The following NPSR1 variants were observed in gnomAD, a reference collection of about 807,000 sequenced individuals.
NPSR1 encodes the protein neuropeptide S receptor 1, also known as neuropeptide S receptor.
Under a neutral mutation model 46.9 loss-of-function variants are expected in NPSR1, and 48 were observed. The ratio of observed to expected loss-of-function variants is 1.02; its 90% CI spans 0.81 to 1.30. The LOEUF (loss-of-function observed/expected upper bound fraction) is 1.30, where lower values mean the gene tolerates loss of function less well. Among genes scored for constraint, NPSR1 ranks in the 50% most tolerant of loss-of-function variants. The pLI is 0.00. For missense variants in NPSR1, 450 were observed against 449.5 expected, an observed-to-expected ratio of 1.00 and a Z score of -0.01; for synonymous variants, 176 against 168.1, an observed-to-expected ratio of 1.05 and a Z score of -0.36.
intron 2 of NPSR1, chr7:34,685,733 T>C: frequency 2.4e-6 from 1 of 419,898 alleles, no homozygotes; most frequent in Non-Finnish European, 4.7e-6. Flanking sequence ...GAAATTCCCC[T>C]TTTTCTTTCT....
chr7:34,853,339 G>C (rs545568540), downstream of NPSR1, among the ~76,000 whole-genome samples: 1 of 152,156 alleles, frequency 6.6e-6, no homozygotes. Flanking sequence ...CAATTTTCTC[G>C]TCATCATTTG....
chr7:34,854,405 CTGTTTA>C (rs1477238834), downstream of NPSR1, among the ~76,000 whole-genome samples: 4 of 152,110 alleles, frequency 2.6e-5, no homozygotes, highest in Non-Finnish European at 2.9e-5. Flanking sequence ...TAACTGTCTG[CTGTTTA>C]CAAAAGACAT....
At chr7:34,867,940 T>A (rs1251074807) in intron 8 of NPSR1, among the ~76,000 whole-genome samples, 3 of 151,860 alleles carry the variant, frequency 2.0e-5, no homozygotes, top group African/African-American at 7.3e-5. Flanking sequence ...TATTAAAAAC[T>A]TTCAGTCTTT....
intron 8 of NPSR1, among the ~76,000 whole-genome samples, chr7:34,870,672 A>T (rs1489399951): frequency 6.6e-6 from 1 of 151,778 alleles, no homozygotes; most frequent in Non-Finnish European, 1.5e-5. Flanking sequence ...GGGGATCCCT[A>T]GACTGAATTT....
chr7:34,823,487 G>T (rs1299875497), intron 4 of NPSR1, among the ~76,000 whole-genome samples: 22 of 147,168 alleles, frequency 1.5e-4, no homozygotes, highest in Admixed American at 1.5e-3. Context: ...TTGCAAAATT[G>T]AACATTTGGA....
At chr7:34,812,027 G>A (rs969913813) in intron 4 of NPSR1, among the ~76,000 whole-genome samples, 164 bp downstream of exon 4, 1 of 151,828 alleles carries the variant, frequency 6.6e-6, no homozygotes, top group Non-Finnish European at 1.5e-5. Flanking sequence ...CACTTCATGG[G>A]TCTGATTGTC....
chr7:34,793,745 G>A (rs1393224626), intron 3 of NPSR1, among the ~76,000 whole-genome samples: 2 of 152,070 alleles, frequency 1.3e-5, no homozygotes, highest in African/African-American at 4.8e-5. Flanking sequence ...AATGAAATCA[G>A]TATGTCAAAG....
At chr7:34,750,433 C>A in intron 2 of NPSR1, 1 of 744,194 alleles carries the variant, frequency 1.3e-6, no homozygotes, top group South Asian at 1.4e-5. Flanking sequence ...TACGACGGGG[C>A]TCTGGTGTGA....
Position 34,791,060 on chromosome 7 carries a change from ATATAT to A in NPSR1, c.384+12506_384+12510del, listed in dbSNP as rs552359355. On this transcript the variant is annotated intron_variant, in intron 3 of 8. Coordinates refer to ENST00000360581, the MANE Select transcript of NPSR1 (RefSeq NM_207172.2). ...TATTATATTATATATGTTATATGTT[ATATAT>A]TATATTATATATGTTATATGTTATA... Among the ~76,000 whole-genome samples, 782 of 121,594 alleles carry A rather than the reference ATATAT, an allele frequency of 6.4e-3. 10 individuals are homozygous for A. Among genetic ancestry groups the A allele is most frequent in the African/African-American group, 0.01 (294 of 29,280 alleles). The allele number at this position is 121,594 out of a possible 152,430, so 79.8% of individuals were successfully genotyped here.
At chr7:34,790,270 G>A (rs2128742494) in intron 3 of NPSR1, among the ~76,000 whole-genome samples, 1 of 152,012 alleles carries the variant, frequency 6.6e-6, no homozygotes, top group Non-Finnish European at 1.5e-5. Context: ...AAGATAAAAG[G>A]CATATGATCA....
intron 1 of NPSR1, among the ~76,000 whole-genome samples, chr7:34,671,502 T>C (rs560073893): frequency 6.6e-6 from 1 of 152,290 alleles, no homozygotes; most frequent in East Asian, 1.9e-4. Context: ...CAAGCGAGGC[T>C]TGCATGACCC....
chr7:34,750,173 G>C, intron 2 of NPSR1: 1 of 356,978 alleles, frequency 2.8e-6, no homozygotes, highest in East Asian at 6.2e-5. Flanking sequence ...TATTCTACAA[G>C]GGGAACAGAA....
At chr7:34,709,587 C>T (rs1372795960) in intron 2 of NPSR1, among the ~76,000 whole-genome samples, 1 of 152,176 alleles carries the variant, frequency 6.6e-6, no homozygotes, top group Non-Finnish European at 1.5e-5. Context: ...TTCCTGACTT[C>T]CTTTACTCTG....
intron 2 of NPSR1, among the ~76,000 whole-genome samples, chr7:34,734,245 T>C (rs2128715382): frequency 6.6e-6 from 1 of 152,276 alleles, no homozygotes; most frequent in Non-Finnish European, 1.5e-5. Context: ...TCCAGATAAA[T>C]TGTATTTAAG....
chr7:34,788,014 TA>T (rs573358648), intron 3 of NPSR1, among the ~76,000 whole-genome samples: 2 of 151,636 alleles, frequency 1.3e-5, no homozygotes, highest in African/African-American at 2.4e-5. Flanking sequence ...CTTCAATTTG[TA>T]AAAAAAATGC....
intron 8 of NPSR1, among the ~76,000 whole-genome samples, chr7:34,859,878 G>A (rs1404075465): frequency 3.3e-5 from 5 of 151,620 alleles, no homozygotes; most frequent in Non-Finnish European, 5.9e-5. Flanking sequence ...GAGCATCCCC[G>A]GGGGTCAGAG....
At chr7:34,714,186 C>T (rs1346693233) in intron 2 of NPSR1, among the ~76,000 whole-genome samples, 4 of 152,242 alleles carry the variant, frequency 2.6e-5, no homozygotes, top group Non-Finnish European at 5.9e-5. Flanking sequence ...AACTCCCTTT[C>T]TGGTGCTACC....
At chr7:34,742,524 T>C (rs1784995578) in intron 2 of NPSR1, among the ~76,000 whole-genome samples, 2 of 152,240 alleles carry the variant, frequency 1.3e-5, no homozygotes, top group Non-Finnish European at 2.9e-5. Flanking sequence ...TTGCATAGTA[T>C]CCCATGATGT....
chr7:34,674,363 G>A (rs1175804210), intron 1 of NPSR1, among the ~76,000 whole-genome samples: 2 of 152,166 alleles, frequency 1.3e-5, no homozygotes, highest in East Asian at 1.9e-4. Flanking sequence ...AGGTGCCCAT[G>A]TATGTCTCTG....
Sources: allele counts gnomAD v4.1 joint callset (sites outside exome capture counted in the v4.1 genomes callset), GRCh38; gene constraint gnomAD v4.1.1; transcripts MANE v1.5; gene names NCBI Gene and HGNC (gene_info 2026-07-23, HGNC 2026-07-21).